Variants in TMEM132D observed in about 807,000 individuals in gnomAD.
TMEM132D encodes the protein transmembrane protein 132D, also known as mature OL transmembrane protein.
In TMEM132D, 21 loss-of-function variants were observed where a neutral mutation model predicts 62.3. The observed-to-expected ratio is 0.34, with a 90% CI of 0.24 to 0.49. The LOEUF is 0.49. Ranked by LOEUF, TMEM132D falls within the 20% of genes least tolerant of loss-of-function variation. The pLI, the probability that TMEM132D is intolerant of heterozygous loss-of-function variation, is 0.99. For synonymous variants in TMEM132D, 621 were observed against 575.6 expected (o/e 1.08, Z -1.13); for missense variants, 1,346 against 1,402.8 (o/e 0.96, Z 0.65).
chr12:129,361,108 A>G (rs1374088865), intron 3 of TMEM132D, among the ~76,000 whole-genome samples: 1 of 152,170 alleles, frequency 6.6e-6, no homozygotes, highest in African/African-American at 2.4e-5. Context: ...TAATGGCTTG[A>G]AAACAGTGTT....
intron 4 of TMEM132D, among the ~76,000 whole-genome samples, chr12:129,263,410 G>C (rs1880603032): frequency 6.6e-6 from 1 of 152,154 alleles, no homozygotes; most frequent in South Asian, 2.1e-4. Flanking sequence ...TTTGCAGAAA[G>C]TAATACTGAA....
intron 1 of TMEM132D, among the ~76,000 whole-genome samples, chr12:129,765,115 A>G (rs1870508768): frequency 1.3e-5 from 2 of 152,166 alleles, no homozygotes; most frequent in Admixed American, 1.3e-4. Context: ...GTGATTATCT[A>G]AAGGTGGGCT....
chr12:129,151,067 G>T (rs1297085052), intron 5 of TMEM132D, among the ~76,000 whole-genome samples: 2 of 152,174 alleles, frequency 1.3e-5, no homozygotes, highest in Non-Finnish European at 2.9e-5. Flanking sequence ...CCCGGGGTTT[G>T]CAGAGCACGC....
intron 3 of TMEM132D, among the ~76,000 whole-genome samples, chr12:129,401,876 A>G (rs1394663938): frequency 1.3e-5 from 2 of 152,184 alleles, no homozygotes; most frequent in African/African-American, 4.8e-5. Context: ...ACGTGTAAAG[A>G]TTTGAATTGA....
At position 129,732,589 on chromosome 12, in the gene TMEM132D, G is replaced by C. The variant is rs1454210207; in HGVS notation, c.80-31891C>G. Among the ~76,000 whole-genome samples the C allele has an allele frequency of 2.6e-5, 4 of 152,094 alleles. No homozygotes were observed. In the South Asian group the frequency reaches 8.3e-4, roughly 32 times the overall value. On this transcript the variant is annotated intron_variant, in intron 1 of 8. Coordinates refer to ENST00000422113, the MANE Select transcript of TMEM132D (RefSeq NM_133448.3). ...GCTGTCTTACTCCTGCTTTCTCCACGTGAGATGCCTGCTCCCTCCCACTTC... is the reference window on the plus strand; with the variant it reads ...GCTGTCTTACTCCTGCTTTCTCCACCTGAGATGCCTGCTCCCTCCCACTTC...
At chr12:129,399,797 A>G (rs1376530925) in intron 3 of TMEM132D, among the ~76,000 whole-genome samples, 2 of 152,170 alleles carry the variant, frequency 1.3e-5, no homozygotes, top group African/African-American at 2.4e-5. Context: ...TTGCAAAGCC[A>G]TAATAGGTAA....
chr12:129,401,863 A>G (rs532433875), intron 3 of TMEM132D, among the ~76,000 whole-genome samples: 1 of 152,248 alleles, frequency 6.6e-6, no homozygotes, highest in Admixed American at 6.5e-5. Context: ...GAGGTGTTCG[A>G]TAACGTGTAA....
chr12:129,771,048 C>A (rs1210784013), intron 1 of TMEM132D, among the ~76,000 whole-genome samples: 2 of 152,186 alleles, frequency 1.3e-5, no homozygotes, highest in African/African-American at 4.8e-5. Flanking sequence ...GCTCCCCTTC[C>A]AGGGTTTCAT....
At chr12:129,440,721 A>G (rs918607943) in intron 3 of TMEM132D, among the ~76,000 whole-genome samples, 8 of 152,182 alleles carry the variant, frequency 5.3e-5, no homozygotes, top group African/African-American at 1.9e-4. Flanking sequence ...GGATGCAGAT[A>G]CCCTTTTACT....
At chr12:129,533,255 A>C (rs929696099) in intron 2 of TMEM132D, among the ~76,000 whole-genome samples, 16 of 152,244 alleles carry the variant, frequency 1.1e-4, no homozygotes, top group Admixed American at 2.6e-4. Context: ...TGGGAATCGC[A>C]TGCAGACGCC....
chr12:129,254,810 AG>A (rs1206117616), intron 4 of TMEM132D, among the ~76,000 whole-genome samples: 1 of 152,128 alleles, frequency 6.6e-6, no homozygotes, highest in Non-Finnish European at 1.5e-5. Flanking sequence ...GATGTTAGCC[AG>A]GTTGCATTCC....
At chr12:129,406,106 G>A (rs1464490534) in intron 3 of TMEM132D, among the ~76,000 whole-genome samples, 3 of 152,120 alleles carry the variant, frequency 2.0e-5, no homozygotes, top group Admixed American at 6.5e-5. Context: ...TACATGTTAA[G>A]ACATAAGTCA....
chr12:129,507,289 CA>C (rs36119382), intron 3 of TMEM132D, among the ~76,000 whole-genome samples: 1 of 151,988 alleles, frequency 6.6e-6, no homozygotes, highest in Non-Finnish European at 1.5e-5. Context: ...AAACACTATG[CA>C]AAAAAGTGTG....
intron 1 of TMEM132D, among the ~76,000 whole-genome samples, chr12:129,809,226 T>C (rs1222603314): frequency 6.6e-6 from 1 of 151,034 alleles, no homozygotes; most frequent in Non-Finnish European, 1.5e-5. Flanking sequence ...GAGAATCGCT[T>C]GAACCCAGGA....
chr12:129,605,587 T>TTTTATATATATATATATATATATATA (rs1555221320), intron 2 of TMEM132D, among the ~76,000 whole-genome samples: 1 of 107,384 alleles, frequency 9.3e-6, no homozygotes, highest in Non-Finnish European at 1.9e-5. Context: ...AAATTAGGCA[T>TTTTATATATATATATATATATATATA]TATATATATA....
intron 4 of TMEM132D, among the ~76,000 whole-genome samples, chr12:129,235,525 T>A (rs1277182929): frequency 1.3e-5 from 2 of 152,200 alleles, no homozygotes; most frequent in East Asian, 3.8e-4. Flanking sequence ...TGCTGTTACA[T>A]GTTATCAGTG....
chr12:129,863,189 C>G (rs1873950817), intron 1 of TMEM132D, among the ~76,000 whole-genome samples: 1 of 152,148 alleles, frequency 6.6e-6, no homozygotes, highest in Non-Finnish European at 1.5e-5. Context: ...TGGTGTCTGT[C>G]TTAGAGCATT....
In TMEM132D at chr12:129,382,233, C is replaced by T. The variant is rs1433262041; in HGVS notation, c.1116-44416G>A. ...ACAAGGCTCTGTCTTTGAAACTTACCACCTTTCAAGCTGCTCCCATTTTAA... is the reference window on the plus strand; with the variant it reads ...ACAAGGCTCTGTCTTTGAAACTTACTACCTTTCAAGCTGCTCCCATTTTAA... On this transcript the variant is annotated intron_variant, in intron 3 of 8. Transcript: ENST00000422113. 2.6e-5 allele frequency among the ~76,000 whole-genome samples: 4 copies of T among 152,172 alleles called. No individual in the cohort carries two copies. In the East Asian group the frequency reaches 7.7e-4, roughly 29 times the overall value.
chr12:129,877,254 A>G (rs1031177451), intron 1 of TMEM132D, among the ~76,000 whole-genome samples: 19 of 151,776 alleles, frequency 1.3e-4, no homozygotes, highest in African/African-American at 4.6e-4. Flanking sequence ...TGAAATAGAA[A>G]GTTCACCATG....
Sources: gnomAD v4.1 joint callset for allele counts (sites outside exome capture counted in the v4.1 genomes callset) on GRCh38, gnomAD v4.1.1 for gene constraint, MANE v1.5 for transcripts, NCBI Gene and HGNC (gene_info 2026-07-23, HGNC 2026-07-21) for gene names.